Variants in WWTR1 observed in about 807,000 individuals in gnomAD.
WWTR1 encodes WW domain-containing transcription regulator protein 1.
In WWTR1, 13 loss-of-function variants were observed where a neutral mutation model predicts 40.1. The ratio of observed to expected loss-of-function variants is 0.32; its 90% CI spans 0.21 to 0.52. The LOEUF (loss-of-function observed/expected upper bound fraction) is 0.52. WWTR1 is among the 20% of genes least tolerant of loss of function. WWTR1 has a pLI of 0.97. For synonymous variants in WWTR1, 230 were observed against 210.1 expected, an observed-to-expected ratio of 1.09 and a Z score of -0.82; for missense variants, 436 against 523.1, an observed-to-expected ratio of 0.83 and a Z score of 1.63.
chr3:149,669,852 G>C (rs537666843), exon 2 of WWTR1: 1 of 152,258 alleles, frequency 6.6e-6, no homozygotes, highest in African/African-American at 2.4e-5. Flanking sequence ...CAGATGCCAA[G>C]ATAAGAGTCA....
chr3:149,628,737 TTTTTA>T (rs144977104), intron 2 of WWTR1, among the ~76,000 whole-genome samples: 5,040 of 144,702 alleles, frequency 0.035, 129 homozygotes, highest in African/African-American at 0.076. Context: ...CTTTTTATTT[TTTTTA>T]TTTTATTTTA....
intron 1 of WWTR1, chr3:149,670,961 G>C (rs1430463848): frequency 6.6e-6 from 1 of 152,154 alleles, no homozygotes; most frequent in Admixed American, 6.5e-5. Flanking sequence ...AAATGAGGAG[G>C]CCGTGCAAGA....
At chr3:149,573,429 C>T (rs1021217813) in intron 2 of WWTR1, among the ~76,000 whole-genome samples, 1 of 152,132 alleles carries the variant, frequency 6.6e-6, no homozygotes, top group African/African-American at 2.4e-5. Context: ...ATAGAATTGA[C>T]ATAATGAGGA....
chr3:149,693,440 A>G (rs1329449361), intron 1 of WWTR1, among the ~76,000 whole-genome samples: 2 of 150,972 alleles, frequency 1.3e-5, no homozygotes, highest in Admixed American at 1.3e-4. Flanking sequence ...AAGCTTTATC[A>G]AAATACCAAT....
intron 3 of WWTR1, among the ~76,000 whole-genome samples, chr3:149,564,493 T>A (rs1334051555): frequency 6.6e-6 from 1 of 152,058 alleles, no homozygotes; most frequent in Non-Finnish European, 1.5e-5. Flanking sequence ...CACTCTTTTT[T>A]TTTTTTTTTC....
chr3:149,695,760 C>CA lies in WWTR1; in HGVS notation c.-108+7363dup, dbSNP rs1301081231. 6.1e-3 allele frequency among the ~76,000 whole-genome samples: 418 copies of CA among 69,008 alleles called. 2 individuals are homozygous for CA. Among genetic ancestry groups the CA allele is most frequent in the Middle Eastern group, 0.013 (1 of 80 alleles). 45.3% of individuals were successfully genotyped at this position (69,008 alleles called of 152,430 possible). A position where few individuals can be genotyped will look rare whatever the true frequency, so the allele number is the denominator to read the frequency against. Reference sequence around the variant, plus strand: ...TGGGCGACAGAGCAAGGCTCCATCTCAAAAAAAAAAAAAACAAGAAAAGAA... The same window carrying CA: ...TGGGCGACAGAGCAAGGCTCCATCTCAAAAAAAAAAAAAAACAAGAAAAGAA... On this transcript the variant is annotated intron_variant, in intron 1 of 7. Coordinates refer to the WWTR1 transcript ENST00000465804.
chr3:149,531,763 C>T (rs1404617064), intron 4 of WWTR1, among the ~76,000 whole-genome samples: 8 of 152,126 alleles, frequency 5.3e-5, no homozygotes, highest in Non-Finnish European at 1.2e-4. Context: ...CTTAAGTTTT[C>T]ATTCTCTGTC....
chr3:149,523,499 C>T (rs964185690), intron 6 of WWTR1, among the ~76,000 whole-genome samples: 2 of 152,206 alleles, frequency 1.3e-5, no homozygotes, highest in Non-Finnish European at 2.9e-5. Flanking sequence ...CCACCCACCT[C>T]GGCCTACCAA....
At chr3:149,587,816 G>A (rs543199728) in intron 2 of WWTR1, among the ~76,000 whole-genome samples, 1 of 152,082 alleles carries the variant, frequency 6.6e-6, no homozygotes, top group East Asian at 1.9e-4. Context: ...ATAAACAAAA[G>A]AAAAAATGCA....
chr3:149,642,621 A>C (rs1296165056), intron 2 of WWTR1, among the ~76,000 whole-genome samples: 1 of 144,208 alleles, frequency 6.9e-6, no homozygotes, highest in Non-Finnish European at 1.5e-5. Context: ...TAAAAATACA[A>C]AAAATTAGCC....
At chr3:149,525,891 C>T (rs1175104678) in intron 6 of WWTR1, 122 bp downstream of exon 6, 9 of 589,514 alleles carry the variant, frequency 1.5e-5, no homozygotes, top group Non-Finnish European at 2.4e-5. Flanking sequence ...CATGTACCCC[C>T]AAATATAAAA....
At chr3:149,702,747 C>G (rs1247214954) in intron 1 of WWTR1, 1 of 151,918 alleles carries the variant, frequency 6.6e-6, no homozygotes, top group African/African-American at 2.4e-5. Flanking sequence ...TCTCCTTTGA[C>G]CATAGAGGCA....
intron 6 of WWTR1, among the ~76,000 whole-genome samples, chr3:149,522,664 C>T (rs1735111773): frequency 6.6e-6 from 1 of 152,194 alleles, no homozygotes; most frequent in Non-Finnish European, 1.5e-5. Flanking sequence ...CAGTTAGAAT[C>T]ATTCATTTTT....
chr3:149,610,478 T>C (rs1739683343), intron 2 of WWTR1, among the ~76,000 whole-genome samples: 1 of 152,222 alleles, frequency 6.6e-6, no homozygotes, highest in South Asian at 2.1e-4. Context: ...ACTCTTCGTT[T>C]TAATAGCAGA....
At chr3:149,522,469 C>A (rs1735097932) in intron 6 of WWTR1, among the ~76,000 whole-genome samples, 1 of 152,046 alleles carries the variant, frequency 6.6e-6, no homozygotes, top group African/African-American at 2.4e-5. Flanking sequence ...AAAATTAAAT[C>A]AAATTCAACA....
Position 149,689,979 on chromosome 3 carries a change from C to T in WWTR1, c.-108+13145G>A, listed in dbSNP as rs57813747. On this transcript the variant is annotated intron_variant, in intron 1 of 7. Transcript: ENST00000465804. ...AGGAGTTAAAAGTAAGAGGCAGGGA[C>T]GAAGTAAAAGTATAGTTTTTATTAG... Among the ~76,000 whole-genome samples the T allele has an allele frequency of 6.6e-3, 998 of 152,074 alleles. 12 individuals carry two copies. Among genetic ancestry groups the T allele is most frequent in the African/African-American group, 0.023 (945 of 41,502 alleles).
intron 3 of WWTR1, among the ~76,000 whole-genome samples, chr3:149,567,905 C>G (rs959882487): frequency 1.3e-5 from 2 of 152,188 alleles, no homozygotes; most frequent in Admixed American, 6.5e-5. Flanking sequence ...ATGCCCACTT[C>G]GCCACCACTC....
intron 1 of WWTR1, among the ~76,000 whole-genome samples, chr3:149,693,520 C>T (rs186690830): frequency 3.9e-5 from 6 of 152,032 alleles, no homozygotes; most frequent in Admixed American, 3.9e-4. Flanking sequence ...CTAGAATAGT[C>T]ATAGCCATTT....
At chr3:149,642,066 C>G (rs937700656) in intron 2 of WWTR1, among the ~76,000 whole-genome samples, 2 of 152,212 alleles carry the variant, frequency 1.3e-5, no homozygotes, top group African/African-American at 4.8e-5. Flanking sequence ...TTTCTCCATT[C>G]CTGCCTTCTT....
Sources: gnomAD v4.1 joint callset for allele counts (sites outside exome capture counted in the v4.1 genomes callset) on GRCh38, gnomAD v4.1.1 for gene constraint, MANE v1.5 for transcripts, NCBI Gene and HGNC (gene_info 2026-07-23, HGNC 2026-07-21) for gene names.